SPIRE1: variants seen among roughly 807,000 people sequenced by gnomAD.
SPIRE1 encodes protein spire homolog 1.
Under a neutral mutation model 94.1 loss-of-function variants are expected in SPIRE1, and 40 were observed. That is an observed-to-expected ratio of 0.43 (90% CI 0.33 to 0.55). The LOEUF is 0.55. Among genes scored for constraint, SPIRE1 ranks in the 20% least tolerant of loss-of-function variants. The pLI is 0.06. For missense variants in SPIRE1, 838 were observed against 975.2 expected (o/e 0.86, Z 1.87); for synonymous variants, 376 against 371.7 (o/e 1.01, Z -0.13).
chr18:12,455,615 C>G (rs1436607395), intron 12 of SPIRE1, among the ~76,000 whole-genome samples: 1 of 152,204 alleles, frequency 6.6e-6, no homozygotes, highest in Non-Finnish European at 1.5e-5. Flanking sequence ...AAGAGCCTCA[C>G]ACCCATCCGC....
chr18:12,466,206 T>C (rs1443742334), intron 10 of SPIRE1, among the ~76,000 whole-genome samples: 1 of 152,190 alleles, frequency 6.6e-6, no homozygotes, highest in Non-Finnish European at 1.5e-5. Context: ...AAGTATAATA[T>C]TTATTCCTGA....
chr18:12,506,413 C>T, intron 6 of SPIRE1, 64 bp downstream of exon 6: 1 of 1,451,812 alleles, frequency 6.9e-7, no homozygotes, highest in Non-Finnish European at 9.6e-7. Flanking sequence ...CCTGCCTCGA[C>T]CTCCCAAAGT....
At chr18:12,619,486 C>A (rs940853907) in intron 2 of SPIRE1, among the ~76,000 whole-genome samples, 1 of 151,732 alleles carries the variant, frequency 6.6e-6, no homozygotes, top group Non-Finnish European at 1.5e-5. Context: ...CCAGCCTGGG[C>A]GATACAGCGA....
At chr18:12,643,446 T>G (rs1592642) in intron 1 of SPIRE1, among the ~76,000 whole-genome samples, 69,384 of 152,150 alleles carry the variant, frequency 0.46, 16,395 homozygotes, top group Middle Eastern at 0.54. Flanking sequence ...CTGGTTTTCA[T>G]GCATTTCATA....
At chr18:12,506,800 G>T (rs899721628) in intron 5 of SPIRE1, among the ~76,000 whole-genome samples, 159 bp from the exon 6 acceptor site, 14 of 152,182 alleles carry the variant, frequency 9.2e-5, no homozygotes, top group Admixed American at 2.0e-4. Flanking sequence ...TAAAAGATGG[G>T]TGGAAAGCAA....
intron 2 of SPIRE1, among the ~76,000 whole-genome samples, chr18:12,629,593 T>C (rs1401158949): frequency 6.6e-6 from 1 of 151,868 alleles, no homozygotes; most frequent in African/African-American, 2.4e-5. Context: ...AAGAACAACA[T>C]ACAGATCAGT....
chr18:12,467,955 GAAAAA>G (rs977567797), intron 10 of SPIRE1, among the ~76,000 whole-genome samples: 34 of 142,054 alleles, frequency 2.4e-4, no homozygotes, highest in Admixed American at 2.4e-3. Flanking sequence ...ATCTCAAAAG[GAAAAA>G]AAAAAAGAAA....
In SPIRE1 at chr18:12,449,746, C is replaced by T; in HGVS notation, c.2163G>A (p.Val721=). 1.2e-6 allele frequency: 2 copies of T among 1,614,124 alleles called. No individual in the cohort carries two copies. Among genetic ancestry groups the T allele is most frequent in the Non-Finnish European group, 8.5e-7 (1 of 1,180,030 alleles). ...EIISSSRRSL[V]LANKRARLKR... Reference sequence around the variant, plus strand: ...TCAATCGGGCCCTTTTGTTGGCCAACACCAGACTGCGCCGGCTTGAACTGA... The same window carrying T: ...TCAATCGGGCCCTTTTGTTGGCCAATACCAGACTGCGCCGGCTTGAACTGA... The change falls in exon 17 of 17, where the codon GTG becomes GTA. Residue 721 remains valine (V), a synonymous_variant. Coordinates refer to ENST00000409402, the MANE Select transcript of SPIRE1 (RefSeq NM_001128626.2).
upstream of SPIRE1, chr18:12,658,880 G>A (rs186724614): frequency 7.0e-6 from 2 of 285,170 alleles, no homozygotes; most frequent in Non-Finnish European, 7.1e-6. Context: ...GCAGGTGTTA[G>A]TTTTAGCGTC....
At chr18:12,569,659 G>C (rs900786761) in intron 2 of SPIRE1, among the ~76,000 whole-genome samples, 3 of 149,602 alleles carry the variant, frequency 2.0e-5, no homozygotes, top group African/African-American at 7.4e-5. Context: ...CAAGAGAAAA[G>C]ACAGCATCAG....
At chr18:12,649,075 G>C (rs998527538) in intron 1 of SPIRE1, among the ~76,000 whole-genome samples, 1 of 151,936 alleles carries the variant, frequency 6.6e-6, no homozygotes, top group Non-Finnish European at 1.5e-5. Context: ...AGAATTATCT[G>C]CATTCTCTTT....
intron 2 of SPIRE1, among the ~76,000 whole-genome samples, chr18:12,591,458 T>C (rs1486475075): frequency 2.0e-5 from 3 of 152,044 alleles, no homozygotes; most frequent in Non-Finnish European, 2.9e-5. Flanking sequence ...TGCAGGTTAG[T>C]AGAGGAGTGA....
In SPIRE1 at chr18:12,449,283, T is replaced by C. The variant is rs1406208641; in HGVS notation, c.*355A>G. 12 of 275,830 alleles carry C rather than the reference T, an allele frequency of 4.4e-5. No individual in the cohort carries two copies. Among genetic ancestry groups the C allele is most frequent in the Non-Finnish European group, 1.4e-5 (2 of 143,670 alleles). The allele number at this position is 275,830 out of a possible 1,614,324, so 17.1% of individuals were successfully genotyped here. The stretch of plus-strand genomic sequence containing the variant: ...GCTGACATCGGCATCTCTGTTAGAC[T>C]GATTCTCGTAGGAGAAGCTTTTTTT... On this transcript the variant is annotated 3_prime_UTR_variant, in exon 17 of 17. Transcript: ENST00000409402.
chr18:12,567,737 T>C (rs112869080), intron 2 of SPIRE1, among the ~76,000 whole-genome samples: 7 of 152,308 alleles, frequency 4.6e-5, no homozygotes, highest in African/African-American at 1.7e-4. Flanking sequence ...CTACATTCAA[T>C]GGATTCTGGG....
intron 16 of SPIRE1, chr18:12,451,159 A>G (rs1598879752): frequency 3.7e-6 from 1 of 273,510 alleles, no homozygotes; most frequent in Non-Finnish European, 6.9e-6. Flanking sequence ...TTCCCAATGA[A>G]CATTAGCTAA....
At chr18:12,572,764 A>C (rs939618824) in intron 2 of SPIRE1, among the ~76,000 whole-genome samples, 1 of 152,252 alleles carries the variant, frequency 6.6e-6, no homozygotes, top group South Asian at 2.1e-4. Flanking sequence ...ACAAAGGAGC[A>C]AAAGCAATAC....
intron 2 of SPIRE1, among the ~76,000 whole-genome samples, chr18:12,576,660 C>T (rs1009113993): frequency 7.4e-5 from 11 of 148,934 alleles, no homozygotes; most frequent in East Asian, 2.0e-4. Context: ...GAGGCCAAGG[C>T]GGGCAGATCA....
chr18:12,612,053 ATC>A (rs527428347), intron 2 of SPIRE1, among the ~76,000 whole-genome samples: 73 of 152,078 alleles, frequency 4.8e-4, no homozygotes, highest in Admixed American at 7.9e-4. Context: ...TTTATTCACT[ATC>A]TCTGATTTCT....
chr18:12,576,868 G>A (rs1292527622), intron 2 of SPIRE1, among the ~76,000 whole-genome samples: 1 of 129,578 alleles, frequency 7.7e-6, no homozygotes, highest in East Asian at 2.5e-4. Flanking sequence ...AAGCCTGGGC[G>A]ACAGAGTGAG....
Sources: allele counts gnomAD v4.1 joint callset (sites outside exome capture counted in the v4.1 genomes callset), GRCh38; gene constraint gnomAD v4.1.1; transcripts MANE v1.5; gene names NCBI Gene and HGNC (gene_info 2026-07-23, HGNC 2026-07-21).